Variants in MYCBP2 observed in about 807,000 individuals in gnomAD.
The protein encoded by MYCBP2 is E3 ubiquitin-protein ligase MYCBP2.
A neutral mutation model predicts 525.3 loss-of-function variants in MYCBP2; 120 were observed. That is an observed-to-expected ratio of 0.23 (90% CI 0.20 to 0.27). MYCBP2 has a LOEUF of 0.27. Among genes scored for constraint, MYCBP2 ranks in the 10% least tolerant of loss-of-function variants. The pLI, the probability that MYCBP2 is intolerant of heterozygous loss-of-function variation, is 1.00. For missense variants in MYCBP2, 4,149 were observed against 5,657.1 expected, an observed-to-expected ratio of 0.73 and a Z score of 8.55; for synonymous variants, 1,894 against 1,955.8, an observed-to-expected ratio of 0.97 and a Z score of 0.83.
chr13:77,085,320 A>G (rs573760866), intron 62 of MYCBP2, among the ~76,000 whole-genome samples: 1 of 152,288 alleles, frequency 6.6e-6, no homozygotes, highest in African/African-American at 2.4e-5. Context: ...AAAACCAATT[A>G]TTTCAAGTTT....
At chr13:77,060,932 G>A (rs1331367349) in intron 76 of MYCBP2, among the ~76,000 whole-genome samples, 1 of 152,100 alleles carries the variant, frequency 6.6e-6, no homozygotes, top group Admixed American at 6.6e-5. Flanking sequence ...AGTTCCAGAG[G>A]TTAAGTGACT....
chr13:77,215,365 G>C (rs969091708), intron 21 of MYCBP2, among the ~76,000 whole-genome samples: 4 of 152,112 alleles, frequency 2.6e-5, no homozygotes, highest in African/African-American at 9.7e-5. Flanking sequence ...GGAGGGGAAA[G>C]AGCAAGAATG....
At chr13:77,124,689 A>G (rs139238905) in intron 54 of MYCBP2, among the ~76,000 whole-genome samples, 82 of 152,332 alleles carry the variant, frequency 5.4e-4, no homozygotes, top group African/African-American at 1.9e-3. Flanking sequence ...GGTGAGCACA[A>G]TTCTTTAGGA....
intron 38 of MYCBP2, among the ~76,000 whole-genome samples, chr13:77,170,745 T>G (rs1566795335): frequency 6.6e-6 from 1 of 151,940 alleles, no homozygotes; most frequent in Non-Finnish European, 1.5e-5. Context: ...CCTGGCTAAT[T>G]TTTTTATTTT....
chr13:77,148,250 T>C (rs780338013), intron 47 of MYCBP2, among the ~76,000 whole-genome samples: 7 of 152,052 alleles, frequency 4.6e-5, no homozygotes, highest in Non-Finnish European at 1.0e-4. Context: ...ATTATTAATT[T>C]GGTGAGTAAA....
chr13:77,322,700 A>T (rs1004351391), intron 1 of MYCBP2, among the ~76,000 whole-genome samples: 3 of 152,262 alleles, frequency 2.0e-5, no homozygotes, highest in Non-Finnish European at 2.9e-5. Flanking sequence ...TAACACAAGT[A>T]GAAAAAGGTA....
intron 55 of MYCBP2, among the ~76,000 whole-genome samples, chr13:77,101,793 C>T (rs1421573818): frequency 6.6e-6 from 1 of 151,384 alleles, no homozygotes; most frequent in Non-Finnish European, 1.5e-5. Flanking sequence ...TGGGGTAAGC[C>T]CCTGTGCTAA....
rs1170240057 is a variant in MYCBP2, at chr13:77,098,561, G to A, written c.8593C>T (p.Pro2865Ser). The change falls in exon 56 of 83, where the codon CCT (proline) becomes TCT (serine). Residue 2865 changes from proline to serine, a missense_variant. Physicochemically the swap from Pro to Ser is moderately conservative, Grantham distance 74. This residue lies in a region of MYCBP2 where 653 missense variants were observed against 744.7 expected (regional missense o/e 0.88). Transcript: ENST00000544440. ...GAGTCTGATTTAGAACGTTCCCGAG[G>A]AGGATCAAGCTTTGTCTTAACAGGA... ...TAPVKTKLDPPRERSKSDSYT... is the reference protein window; with the variant it reads ...TAPVKTKLDPSRERSKSDSYT... 1 of 1,613,644 alleles carries A rather than the reference G, an allele frequency of 6.2e-7. No individual in the cohort carries two copies. The highest frequency in any genetic ancestry group is 8.5e-7 in the Non-Finnish European group (1 of 1,179,818).
rs749258252 is a variant in MYCBP2, at chr13:77,097,711, T to C, written c.9443A>G (p.Asn3148Ser). 1.2e-6 allele frequency: 2 copies of C among 1,613,706 alleles called. No homozygotes were observed. The highest frequency in any genetic ancestry group is 2.2e-5 in the East Asian group (1 of 44,840). The part of the protein sequence containing the change: ...TETTFEMSMH[N>S]TMKSKSPLPL... Reference sequence around the variant, plus strand: ...AAGAGGAGACTTAGACTTCATTGTGTTATGCATGGACATTTCAAAAGTGGT... The same window carrying C: ...AAGAGGAGACTTAGACTTCATTGTGCTATGCATGGACATTTCAAAAGTGGT... The change falls in exon 56 of 83, where the codon AAC becomes AGC. Residue 3148 changes from asparagine (N) to serine (S), a missense_variant. Physicochemically the swap from Asn to Ser is conservative, Grantham distance 46. Coordinates refer to ENST00000544440, the MANE Select transcript of MYCBP2 (RefSeq NM_015057.5).
chr13:77,174,105 A>T (rs1388513454), intron 37 of MYCBP2, among the ~76,000 whole-genome samples: 1 of 152,254 alleles, frequency 6.6e-6, no homozygotes, highest in East Asian at 1.9e-4. Flanking sequence ...TAACAGCAAA[A>T]ATATTTTAAA....
chr13:77,107,839 G>A (rs1566554746), intron 55 of MYCBP2, among the ~76,000 whole-genome samples: 1 of 152,118 alleles, frequency 6.6e-6, no homozygotes, highest in Non-Finnish European at 1.5e-5. Flanking sequence ...GACAGCTTTA[G>A]ATGCAGTATC....
rs945038880 is a variant in MYCBP2 at position 77,097,294 on chromosome 13, T to C, written c.9784+76A>G. On this transcript the variant is annotated intron_variant, in intron 56 of 82. Transcript: ENST00000544440. ...ATTCCCTATCCTTTGACAAAATTCA[T>C]AGAACAGCTCAAATAAAGTGATCTG... 33 of 1,518,670 alleles carry C rather than the reference T, an allele frequency of 2.2e-5. No individual in the cohort carries two copies. In the African/African-American group the frequency reaches 3.5e-4, roughly 16 times the overall value. 94.1% of individuals were successfully genotyped at this position (1,518,670 alleles called of 1,614,324 possible).
At chr13:77,078,990 G>A in intron 65 of MYCBP2, 101 bp from the exon 66 acceptor site, 1 of 922,626 alleles carries the variant, frequency 1.1e-6, no homozygotes, top group Non-Finnish European at 1.7e-6. Flanking sequence ...TCTTCTGCCT[G>A]TCTCTTATGG....
intron 18 of MYCBP2, among the ~76,000 whole-genome samples, chr13:77,231,946 T>C (rs530081045): frequency 9.3e-4 from 141 of 152,368 alleles, no homozygotes; most frequent in Non-Finnish European, 2.4e-4. Context: ...TAAATATTTA[T>C]GGCATTGTTA....
chr13:77,162,817 C>T (rs568741358), intron 43 of MYCBP2, among the ~76,000 whole-genome samples: 12 of 152,090 alleles, frequency 7.9e-5, no homozygotes, highest in South Asian at 4.2e-4. Flanking sequence ...CCACCATGCC[C>T]GGCTAATTTT....
intron 46 of MYCBP2, among the ~76,000 whole-genome samples, chr13:77,152,126 C>T (rs902290112): frequency 7.2e-5 from 11 of 152,186 alleles, no homozygotes; most frequent in Non-Finnish European, 1.2e-4. Flanking sequence ...TTCTTAACAA[C>T]GCGATTCTAT....
In MYCBP2 at chr13:77,142,014, A is replaced by G. The variant is rs182075353; in HGVS notation, c.7304-1071T>C. 1.6e-4 allele frequency among the ~76,000 whole-genome samples: 24 copies of G among 152,262 alleles called. 1 individual carries two copies. The highest frequency in any genetic ancestry group is 1.5e-3 in the Admixed American group (23 of 15,286). ...GTATTTTTGTTCAGCTTCATTCCAA[A>G]AAACAAATATAAGTGGATTTTTCTT... On this transcript the variant is annotated intron_variant, in intron 49 of 82. Coordinates refer to ENST00000544440, the MANE Select transcript of MYCBP2 (RefSeq NM_015057.5).
chr13:77,305,900 T>C (rs1480276327), intron 1 of MYCBP2, among the ~76,000 whole-genome samples: 1 of 152,138 alleles, frequency 6.6e-6, no homozygotes, highest in African/African-American at 2.4e-5. Flanking sequence ...ATACAGATTA[T>C]CTATAAAAAA....
rs1409391675 is a variant in MYCBP2, at chr13:77,168,592, A to T, written c.5950T>A (p.Leu1984Met). The change falls in exon 40 of 83, where the codon TTG (leucine) becomes ATG (methionine). Residue 1984 changes from leucine (L) to methionine (M), a missense_variant. By Grantham distance (15) the Leu-to-Met change is conservative. Around this residue, in one of 21 missense-constraint regions of MYCBP2, gnomAD observed 692 missense variants for 852.7 expected, o/e 0.81. Transcript: ENST00000544440. Reference sequence around the variant, plus strand: ...GCAGGCGGTGCATACTTCTGATTCAAAATGGCAACTGACGGAAGCAATTGT... The same window carrying T: ...GCAGGCGGTGCATACTTCTGATTCATAATGGCAACTGACGGAAGCAATTGT... ...VQQLLPSVAI[L>M]NQKYAPPAFN... The T allele has an allele frequency of 6.2e-7, 1 of 1,614,074 alleles. No homozygotes were observed. Among genetic ancestry groups the T allele is most frequent in the Non-Finnish European group, 8.5e-7 (1 of 1,180,032 alleles).
Sources: gnomAD v4.1 joint callset for allele counts (sites outside exome capture counted in the v4.1 genomes callset) on GRCh38, gnomAD v4.1.1 for gene constraint, gnomAD v4.1.1 regional missense constraint, MANE v1.5 for transcripts, NCBI Gene and HGNC (gene_info 2026-07-23, HGNC 2026-07-21) for gene names.